ARMC3: variants seen among roughly 807,000 people sequenced by gnomAD.
The protein encoded by ARMC3 is armadillo repeat-containing protein 3.
A neutral mutation model predicts 90.3 loss-of-function variants in ARMC3; 74 were observed. The observed-to-expected ratio is 0.82, with a 90% CI of 0.68 to 0.99. The LOEUF is 0.99. ARMC3 is among the 50% of genes least tolerant of loss of function. The pLI is 0.00. For synonymous variants in ARMC3, 334 were observed against 361.8 expected (o/e 0.92, Z 0.87); for missense variants, 958 against 1,042.8 (o/e 0.92, Z 1.12).
At chr10:23,001,421 C>T (rs1210154382) in intron 11 of ARMC3, among the ~76,000 whole-genome samples, 1 of 152,178 alleles carries the variant, frequency 6.6e-6, no homozygotes, top group South Asian at 2.1e-4. Flanking sequence ...CTGCTTCCAG[C>T]ACCTTCTGTC....
rs1231877513 is a variant in ARMC3 at position 22,968,345 on chromosome 10, G to A, written c.772G>A (p.Ala258Thr). ...TCATATAGAAGCACTTGCAGTGATAGCCAATTGCCTTGAAGACATGGATAC... is the reference window on the plus strand; with the variant it reads ...TCATATAGAAGCACTTGCAGTGATAACCAATTGCCTTGAAGACATGGATAC... ...DLHIEALAVI[A>T]NCLEDMDTMV... The change falls in exon 8 of 19, where the codon GCC (alanine) becomes ACC (threonine). Residue 258 changes from alanine (A) to threonine (T), a missense_variant. Coordinates refer to ENST00000298032, the MANE Select transcript of ARMC3 (RefSeq NM_173081.5). 6.2e-7 allele frequency: 1 copy of A among 1,613,986 alleles called. No individual in the cohort carries two copies. Among genetic ancestry groups the A allele is most frequent in the Non-Finnish European group, 8.5e-7 (1 of 1,179,936 alleles).
intron 1 of ARMC3, among the ~76,000 whole-genome samples, chr10:22,931,436 G>A (rs891517524): frequency 1.3e-5 from 2 of 151,988 alleles, no homozygotes; most frequent in African/African-American, 4.8e-5. Flanking sequence ...TTTGTTATCC[G>A]GGCAAAGGAC....
chr10:22,954,549 A>G (rs1357580785), intron 3 of ARMC3, among the ~76,000 whole-genome samples: 7 of 151,570 alleles, frequency 4.6e-5, no homozygotes, highest in Non-Finnish European at 7.4e-5. Context: ...GTGGTTGCCT[A>G]TAGTCCCAGC....
At chr10:23,010,045 T>C (rs1588915542) in intron 16 of ARMC3, among the ~76,000 whole-genome samples, 2 of 152,180 alleles carry the variant, frequency 1.3e-5, no homozygotes, top group African/African-American at 4.8e-5. Context: ...TCTCTGTTGT[T>C]AGAGTCTCTG....
At chr10:22,984,881 G>GT (rs370595437) in intron 10 of ARMC3, among the ~76,000 whole-genome samples, 4,947 of 145,902 alleles carry the variant, frequency 0.034, 274 homozygotes, top group African/African-American at 0.12. Context: ...TCAACCTTCT[G>GT]TTTTTTTTTT....
At chr10:22,992,125 A>G (rs1375034200) in intron 10 of ARMC3, among the ~76,000 whole-genome samples, 1 of 152,198 alleles carries the variant, frequency 6.6e-6, no homozygotes, top group Non-Finnish European at 1.5e-5. Context: ...GAAGTGAAGT[A>G]TTGTGATTGA....
chr10:22,939,150 G>A (rs1050607742), intron 2 of ARMC3, among the ~76,000 whole-genome samples: 2 of 152,170 alleles, frequency 1.3e-5, no homozygotes, highest in African/African-American at 4.8e-5. Flanking sequence ...TACAGAGGAT[G>A]ATTACTATCT....
intron 2 of ARMC3, among the ~76,000 whole-genome samples, chr10:22,944,269 C>G (rs948748184): frequency 3.9e-5 from 6 of 152,130 alleles, no homozygotes; most frequent in Admixed American, 6.5e-5. Flanking sequence ...GGTCTTTCTT[C>G]TTATTATTCA....
chr10:22,997,275 G>A (rs1837018628), intron 10 of ARMC3: 1 of 152,104 alleles, frequency 6.6e-6, no homozygotes, highest in African/African-American at 2.4e-5. Flanking sequence ...CTTCCACCCT[G>A]GCTTCATCTT....
At chr10:23,003,732 G>A (rs1837435762) in intron 13 of ARMC3, among the ~76,000 whole-genome samples, 1 of 152,142 alleles carries the variant, frequency 6.6e-6, no homozygotes, top group South Asian at 2.1e-4. Flanking sequence ...GGCTGAAGCA[G>A]GAGGATTGCT....
chr10:22,985,745 T>G (rs919504920), intron 10 of ARMC3, among the ~76,000 whole-genome samples: 5 of 152,242 alleles, frequency 3.3e-5, no homozygotes, highest in Non-Finnish European at 5.9e-5. Context: ...TGAATCCTTT[T>G]ACTTACAAAT....
intron 16 of ARMC3, among the ~76,000 whole-genome samples, chr10:23,017,489 G>T (rs1410844982): frequency 2.0e-5 from 3 of 152,234 alleles, no homozygotes; most frequent in Admixed American, 1.3e-4. Flanking sequence ...GATTGACCGG[G>T]CATGGTGGCT....
At chr10:22,935,839 A>C (rs1366269572) in intron 2 of ARMC3, among the ~76,000 whole-genome samples, 1 of 152,126 alleles carries the variant, frequency 6.6e-6, no homozygotes, top group African/African-American at 2.4e-5. Context: ...CATTTTAGCA[A>C]ATTTTTCCGG....
At chr10:22,966,114 G>A (rs1311576756) in intron 7 of ARMC3, among the ~76,000 whole-genome samples, 2 of 152,170 alleles carry the variant, frequency 1.3e-5, no homozygotes, top group East Asian at 3.9e-4. Context: ...TAGGCAGTGA[G>A]CTACACACTT....
At chr10:23,014,373 G>A in intron 16 of ARMC3, 1 of 1,278,956 alleles carries the variant, frequency 7.8e-7, no homozygotes, top group Non-Finnish European at 9.9e-7. Flanking sequence ...GGGTAGATTA[G>A]CCATAGCCCT....
chr10:22,959,828 G>T (rs1256720286), intron 6 of ARMC3: 2 of 555,138 alleles, frequency 3.6e-6, no homozygotes, highest in African/African-American at 3.7e-5. Flanking sequence ...GAATAGAATG[G>T]CATTCAAATA....
chr10:23,012,562 C>T lies in ARMC3; in HGVS notation c.2045+3631C>T, dbSNP rs963205368. On this transcript the variant is annotated intron_variant, in intron 16 of 18. Transcript: ENST00000298032. ...GTTCCAACCTGAACTCATTGTTCAC[C>T]GCAGCTCCCAAGCTCCCTCCCCCTC... 4.6e-5 allele frequency among the ~76,000 whole-genome samples: 7 copies of T among 152,134 alleles called. No individual in the cohort carries two copies. The East Asian group carries it at 7.7e-4, about 17-fold the overall frequency.
chr10:22,991,462 T>C (rs527268442), intron 10 of ARMC3, among the ~76,000 whole-genome samples: 2 of 152,092 alleles, frequency 1.3e-5, no homozygotes, highest in South Asian at 4.2e-4. Context: ...TTTTGTTTTG[T>C]TTTAGGTTTT....
intron 18 of ARMC3, among the ~76,000 whole-genome samples, chr10:23,033,952 C>T (rs1027530547): frequency 2.0e-5 from 3 of 152,166 alleles, no homozygotes; most frequent in Non-Finnish European, 4.4e-5. Context: ...TTTGCTCCAT[C>T]ATATCCAGTG....
Sources: allele counts gnomAD v4.1 joint callset (sites outside exome capture counted in the v4.1 genomes callset), GRCh38; gene constraint gnomAD v4.1.1; transcripts MANE v1.5; gene names NCBI Gene and HGNC (gene_info 2026-07-23, HGNC 2026-07-21).